Variants in COL24A1 observed in about 807,000 individuals in gnomAD.
COL24A1 encodes collagen alpha-1(XXIV) chain.
In COL24A1, 224 loss-of-function variants were observed where a neutral mutation model predicts 253.9. That is an observed-to-expected ratio of 0.88 (90% CI 0.79 to 0.99). COL24A1 has a LOEUF of 0.99. Ranked by LOEUF, COL24A1 falls within the 50% of genes least tolerant of loss-of-function variation. The pLI, the probability that COL24A1 is intolerant of heterozygous loss-of-function variation, is 0.00. For missense variants in COL24A1, 2,131 were observed against 2,068.5 expected (o/e 1.03, Z -0.59); for synonymous variants, 685 against 673.7 (o/e 1.02, Z -0.26).
At chr1:85,732,199 A>C (rs544137550) in intron 59 of COL24A1, among the ~76,000 whole-genome samples, 8 of 152,058 alleles carry the variant, frequency 5.3e-5, no homozygotes, top group South Asian at 2.1e-4. Context: ...TGGGCTTTGG[A>C]GTTCTCCATG....
At chr1:85,731,710 G>A (rs181265488) in intron 59 of COL24A1, among the ~76,000 whole-genome samples, 1 of 152,278 alleles carries the variant, frequency 6.6e-6, no homozygotes, top group African/African-American at 2.4e-5. Flanking sequence ...TCTAATTGAA[G>A]AGAGTAAAAA....
chr1:85,736,103 G>T, intron 58 of COL24A1: 1 of 315,832 alleles, frequency 3.2e-6, no homozygotes, highest in East Asian at 7.7e-5. Context: ...ACACTAATCT[G>T]GCATGGTTGT....
chr1:85,756,036 C>T lies in COL24A1; in HGVS notation c.4437+5360G>A, dbSNP rs150582695. Reference sequence around the variant, plus strand: ...ATTAATATCTAGAATATTTAAAGAGCTTCTACAACTTACTAACAACCAAAA... The same window carrying T: ...ATTAATATCTAGAATATTTAAAGAGTTTCTACAACTTACTAACAACCAAAA... On this transcript the variant is annotated intron_variant, in intron 55 of 59. Transcript: ENST00000370571. Among the ~76,000 whole-genome samples the T allele has an allele frequency of 4.3e-3, 515 of 120,716 alleles. 2 individuals carry two copies. The highest frequency in any genetic ancestry group is 0.014 in the African/African-American group (435 of 31,806). The allele number at this position is 120,716 out of a possible 152,430, so 79.2% of individuals were successfully genotyped here.
At chr1:85,760,316 A>T (rs958157355) in intron 55 of COL24A1, among the ~76,000 whole-genome samples, 1 of 152,138 alleles carries the variant, frequency 6.6e-6, no homozygotes, top group Non-Finnish European at 1.5e-5. Flanking sequence ...AAGTGCTGGG[A>T]TTACAGGTAC....
chr1:85,792,793 G>A (rs969648457), intron 47 of COL24A1, among the ~76,000 whole-genome samples: 2 of 151,952 alleles, frequency 1.3e-5, no homozygotes, highest in African/African-American at 4.8e-5. Context: ...TATAATGACA[G>A]CAAAAGTTTT....
chr1:85,934,952 T>TAA (rs137931540), intron 24 of COL24A1, among the ~76,000 whole-genome samples: 8 of 147,602 alleles, frequency 5.4e-5, no homozygotes, highest in African/African-American at 1.7e-4. Context: ...AACACACAAT[T>TAA]AAAAAAAAAA....
intron 28 of COL24A1, among the ~76,000 whole-genome samples, chr1:85,898,354 G>A (rs1214684060): frequency 6.6e-6 from 1 of 152,076 alleles, no homozygotes; most frequent in Non-Finnish European, 1.5e-5. Flanking sequence ...GAACTCTTAG[G>A]GTAACTGCAT....
chr1:85,760,255 G>A (rs1013916363), intron 55 of COL24A1, among the ~76,000 whole-genome samples: 1 of 151,780 alleles, frequency 6.6e-6, no homozygotes, highest in Non-Finnish European at 1.5e-5. Flanking sequence ...ATGTTGGCCA[G>A]GCTGGTCTCA....
chr1:85,855,453 T>C (rs1452444424), intron 37 of COL24A1, among the ~76,000 whole-genome samples: 1 of 152,172 alleles, frequency 6.6e-6, no homozygotes, highest in Non-Finnish European at 1.5e-5. Context: ...GCTTTTTCTG[T>C]ACCTATTGAG....
chr1:86,022,980 C>T lies in COL24A1; in HGVS notation c.2077G>A (p.Gly693Arg). Residue 693 changes from glycine (G) to arginine (R), a missense_variant, in exon 15 of 60, where the codon GGA becomes AGA. Physicochemically the swap from Gly to Arg is moderately radical, Grantham distance 125. Transcript: ENST00000370571. ...RGSVGPVGPI[G>R]PAGIPGPMGL... ...ATTGGGCCAGGAATTCCAGCAGGTC[C>T]AATTGGTCCCACAGGGCCAACACTG... 1 of 1,613,060 alleles carries T rather than the reference C, an allele frequency of 6.2e-7. No homozygotes were observed. The highest frequency in any genetic ancestry group is 1.1e-5 in the South Asian group (1 of 90,978).
chr1:86,052,511 G>A (rs1194460019), intron 10 of COL24A1, among the ~76,000 whole-genome samples: 1 of 152,060 alleles, frequency 6.6e-6, no homozygotes, highest in Non-Finnish European at 1.5e-5. Flanking sequence ...GATTCCACTT[G>A]CATGATGTAC....
chr1:85,816,874 G>A lies in COL24A1; in HGVS notation c.3865C>T (p.Pro1289Ser). The A allele has an allele frequency of 6.2e-7, 1 of 1,613,796 alleles. No individual in the cohort carries two copies. The highest frequency in any genetic ancestry group is 2.2e-5 in the East Asian group (1 of 44,860). The change falls in exon 47 of 60, where the codon CCA becomes TCA. Residue 1289 changes from proline to serine, a missense_variant. Transcript: ENST00000370571. Reference sequence around the variant, plus strand: ...CCATGGTATCCTTGTATGCCTTTTGGCCCAAGTAGGCCTTGAAGTCCCTTG... The same window carrying A: ...CCATGGTATCCTTGTATGCCTTTTGACCCAAGTAGGCCTTGAAGTCCCTTG... ...GIPGLQGLLG[P>S]KGIQGYHGAD...
chr1:85,792,183 G>T (rs1464340026), intron 47 of COL24A1, among the ~76,000 whole-genome samples: 1 of 151,836 alleles, frequency 6.6e-6, no homozygotes, highest in Non-Finnish European at 1.5e-5. Flanking sequence ...CATATTTACA[G>T]AAAAAGTTTG....
In COL24A1 at chr1:85,838,599, C is replaced by T. The variant is rs183769998; in HGVS notation, c.3667G>A (p.Ala1223Thr). 800 of 1,613,850 alleles carry T rather than the reference C, an allele frequency of 5.0e-4. 1 individual carries two copies. Among genetic ancestry groups the T allele is most frequent in the Non-Finnish European group, 6.5e-4 (762 of 1,179,752 alleles). Reference protein sequence around the residue: ...GDQGERGEPGAEGYKGHVGVP... With the variant: ...GDQGERGEPGTEGYKGHVGVP... The stretch of plus-strand genomic sequence containing the variant: ...CTTGCAATTACCTTATATCCCTCTG[C>T]TCCAGGCTCTCCTCTCTCTCCTTGG... Residue 1223 changes from alanine to threonine, a missense_variant, in exon 43 of 60, where the codon GCA (alanine) becomes ACA (threonine). Physicochemically the swap from Ala to Thr is moderately conservative, Grantham distance 58 (BLOSUM62 0). Coordinates refer to ENST00000370571, the MANE Select transcript of COL24A1 (RefSeq NM_152890.7).
intron 47 of COL24A1, among the ~76,000 whole-genome samples, chr1:85,799,572 C>T (rs1217567458): frequency 6.6e-6 from 1 of 152,040 alleles, no homozygotes; most frequent in African/African-American, 2.4e-5. Context: ...GCCATTACTA[C>T]CTTGTTTCAC....
At chr1:85,814,585 C>T (rs777046715) in intron 47 of COL24A1, among the ~76,000 whole-genome samples, 1 of 152,154 alleles carries the variant, frequency 6.6e-6, no homozygotes, top group Non-Finnish European at 1.5e-5. Flanking sequence ...GTCCAGAAAG[C>T]ACAGACAAAA....
rs1438100890 is a variant in COL24A1 at position 86,089,225 on chromosome 1, A to G, written c.1656T>C (p.Gly552=). ...CCATTAATCCAGAAAGGCCTTGATC[A>G]CCCTATAAACAAAATACAGACGTTT... is the stretch of plus-strand genomic sequence containing the variant. ...SPGQPVPGEK[G]DQGLSGLMGP... is the part of the protein sequence containing the mutation. Residue 552 remains glycine (G), a splice_region_variant and synonymous_variant, in exon 7 of 60, where the codon GGT becomes GGC. Coordinates refer to ENST00000370571, the MANE Select transcript of COL24A1 (RefSeq NM_152890.7). 6.3e-7 allele frequency: 1 copy of G among 1,582,578 alleles called. No individual in the cohort carries two copies. Among genetic ancestry groups the G allele is most frequent in the Non-Finnish European group, 8.5e-7 (1 of 1,171,328 alleles).
At chr1:86,099,355 A>G (rs897519851) in intron 5 of COL24A1, among the ~76,000 whole-genome samples, 2 of 152,162 alleles carry the variant, frequency 1.3e-5, no homozygotes, top group Non-Finnish European at 2.9e-5. Flanking sequence ...AGAACAAATT[A>G]CATATAAAAT....
chr1:86,106,643 A>G (rs942720650), intron 5 of COL24A1, among the ~76,000 whole-genome samples: 1 of 152,218 alleles, frequency 6.6e-6, no homozygotes, highest in African/African-American at 2.4e-5. Context: ...CGCTGCAAAT[A>G]AATAGAATAC....
Sources: allele counts gnomAD v4.1 joint callset (sites outside exome capture counted in the v4.1 genomes callset), GRCh38; gene constraint gnomAD v4.1.1; transcripts MANE v1.5; gene names NCBI Gene and HGNC (gene_info 2026-07-23, HGNC 2026-07-21).